OSER1: variants seen among roughly 807,000 people sequenced by gnomAD.
OSER1 encodes the protein oxidative stress responsive serine rich 1.
In OSER1, 15 loss-of-function variants were observed where a neutral mutation model predicts 26.3. The ratio of observed to expected loss-of-function variants is 0.57; its 90% CI spans 0.38 to 0.88. The LOEUF is 0.88. OSER1 is among the 40% of genes least tolerant of loss of function. The probability of loss-of-function intolerance (pLI) is 0.00; values close to 1 mark genes in which losing one functional copy is unlikely to be tolerated. For missense variants in OSER1, 313 were observed against 353.9 expected (o/e 0.88, Z 0.93); for synonymous variants, 127 against 128.2 (o/e 0.99, Z 0.07).
chr20:44,198,669 G>A (rs1402660094), intron 3 of OSER1, among the ~76,000 whole-genome samples: 1 of 151,764 alleles, frequency 6.6e-6, no homozygotes, highest in Admixed American at 6.6e-5. Context: ...ATAAAGAACT[G>A]AATGAAAAGA....
At chr20:44,201,131 T>C (rs1300493205) in intron 3 of OSER1, among the ~76,000 whole-genome samples, 1 of 152,240 alleles carries the variant, frequency 6.6e-6, no homozygotes, top group African/African-American at 2.4e-5. Flanking sequence ...AACCTTGAAT[T>C]TGCTGTGCTC....
At chr20:44,201,697 G>A (rs1263154556) in intron 3 of OSER1, among the ~76,000 whole-genome samples, 1 of 152,150 alleles carries the variant, frequency 6.6e-6, no homozygotes, top group Non-Finnish European at 1.5e-5. Context: ...TAAGGAGAAG[G>A]GCTAAATTAC....
chr20:44,200,381 T>C (rs4372972), intron 3 of OSER1, among the ~76,000 whole-genome samples: 39,927 of 151,950 alleles, frequency 0.26, 7,374 homozygotes, highest in African/African-American at 0.51. Context: ...GAAGACAGAA[T>C]GTGTCCACCA....
intron 2 of OSER1, among the ~76,000 whole-genome samples, chr20:44,203,780 G>A (rs562813385): frequency 9.2e-5 from 14 of 151,402 alleles, no homozygotes; most frequent in South Asian, 6.3e-4. Flanking sequence ...TTTAGAAAGC[G>A]ACATTAATCT....
upstream of OSER1, chr20:44,211,082 G>C (rs796476728): frequency 2.0e-5 from 3 of 152,512 alleles, no homozygotes; most frequent in African/African-American, 7.2e-5. Flanking sequence ...TGTTAGGTGA[G>C]TGAGTAGGCG....
intron 1 of OSER1, among the ~76,000 whole-genome samples, chr20:44,209,158 C>T (rs2073070599): frequency 6.6e-6 from 1 of 152,130 alleles, no homozygotes; most frequent in Admixed American, 6.5e-5. Context: ...CAGGTGATCA[C>T]CCTAGATGTT....
At chr20:44,203,584 C>T (rs931920911) in intron 2 of OSER1, among the ~76,000 whole-genome samples, 4 of 151,934 alleles carry the variant, frequency 2.6e-5, no homozygotes, top group Middle Eastern at 3.4e-3. Flanking sequence ...ATATGGGTTC[C>T]CAGTAAAGAA....
At chr20:44,202,530 T>C (rs2072993919) in intron 3 of OSER1, among the ~76,000 whole-genome samples, 1 of 152,176 alleles carries the variant, frequency 6.6e-6, no homozygotes, top group Non-Finnish European at 1.5e-5. Context: ...ACCTATGCTA[T>C]ATAAATCCAA....
upstream of OSER1, among the ~76,000 whole-genome samples, chr20:44,211,551 G>A (rs1012362589): frequency 5.9e-5 from 9 of 152,276 alleles, 1 homozygote; most frequent in East Asian, 1.9e-4. Flanking sequence ...AGACTCCTTT[G>A]AGAATCTGGT....
chr20:44,206,686 T>C (rs931696521), intron 2 of OSER1, among the ~76,000 whole-genome samples, 195 bp downstream of exon 2: 1 of 152,212 alleles, frequency 6.6e-6, no homozygotes, highest in Non-Finnish European at 1.5e-5. Context: ...CTGCTACTTT[T>C]CAAATTTAAC....
At chr20:44,205,738 A>C (rs1252847808) in intron 2 of OSER1, among the ~76,000 whole-genome samples, 1 of 152,048 alleles carries the variant, frequency 6.6e-6, no homozygotes, top group Non-Finnish European at 1.5e-5. Context: ...CAGGAGATCA[A>C]GACCATCCTG....
At position 44,197,585 on chromosome 20, in the gene OSER1, C is replaced by T. The variant is rs755382758; in HGVS notation, c.346G>A (p.Asp116Asn). 6.2e-7 allele frequency: 1 copy of T among 1,614,212 alleles called. No homozygotes were observed. Among genetic ancestry groups the T allele is most frequent in the South Asian group, 1.1e-5 (1 of 91,082 alleles). Residue 116 changes from aspartate (D) to asparagine (N), a missense_variant, in exon 4 of 4, where the codon GAT (aspartate) becomes AAT (asparagine). Asp to Asn is a conservative substitution (Grantham distance 23, BLOSUM62 1). Transcript: ENST00000255174. Reference protein sequence around the residue: ...LKHKSQTDSPDGSSGLGISSP... With the variant: ...LKHKSQTDSPNGSSGLGISSP... ...GAAATTCCCAGCCCACTGCTGCCAT[C>T]AGGTGAGTCAGTCTGGCTTTTGTGC...
At chr20:44,206,278 T>A (rs983736397) in intron 2 of OSER1, among the ~76,000 whole-genome samples, 1 of 152,198 alleles carries the variant, frequency 6.6e-6, no homozygotes, top group Non-Finnish European at 1.5e-5. Flanking sequence ...AAATGTTGAT[T>A]TATTTTGGCC....
chr20:44,209,503 T>A (rs181874308), intron 1 of OSER1, among the ~76,000 whole-genome samples: 8 of 152,344 alleles, frequency 5.3e-5, no homozygotes, highest in African/African-American at 1.4e-4. Context: ...TTGCCTTTCT[T>A]CATTAATATT....
upstream of OSER1, chr20:44,210,880 T>C (rs1175965303): frequency 6.6e-6 from 1 of 152,028 alleles, no homozygotes; most frequent in East Asian, 1.9e-4. Flanking sequence ...CCCACCCCAG[T>C]GACTCGGCAG....
At chr20:44,208,108 G>GCCCCCCCCCCCCC (rs71959463) in intron 1 of OSER1, among the ~76,000 whole-genome samples, 2 of 97,852 alleles carry the variant, frequency 2.0e-5, no homozygotes, top group African/African-American at 3.7e-5. Context: ...GCCTTTACCC[G>GCCCCCCCCCCCCC]CCCCCCCCCG....
rs2072921892 is a variant in OSER1, at chr20:44,196,641, TG to T, written c.*410del. On this transcript the variant is annotated 3_prime_UTR_variant, in exon 4 of 4. Transcript: ENST00000255174. Reference sequence around the variant, plus strand: ...ATCAGTCTTGTAACTTCTAATATTCTGGGCTGGCAACTACAGCATGACAAAT... The same window carrying T: ...ATCAGTCTTGTAACTTCTAATATTCTGGCTGGCAACTACAGCATGACAAAT... 5.9e-6 allele frequency: 1 copy of T among 169,804 alleles called. No homozygotes were observed. Among genetic ancestry groups the T allele is most frequent in the South Asian group, 1.5e-4 (1 of 6,792 alleles). 10.5% of individuals were successfully genotyped at this position (169,804 alleles called of 1,614,324 possible).
chr20:44,208,189 A>G (rs761062080), intron 1 of OSER1, among the ~76,000 whole-genome samples: 1 of 126,930 alleles, frequency 7.9e-6, no homozygotes, highest in Non-Finnish European at 1.5e-5. Flanking sequence ...TCTCTGATTC[A>G]TATCTGCTCG....
chr20:44,204,869 G>A (rs770469003), intron 2 of OSER1, among the ~76,000 whole-genome samples: 10 of 150,864 alleles, frequency 6.6e-5, no homozygotes, highest in East Asian at 1.9e-4. Context: ...ACAGGGTCTC[G>A]CTCTGTTGCG....
Sources: allele counts gnomAD v4.1 joint callset (sites outside exome capture counted in the v4.1 genomes callset), GRCh38; gene constraint gnomAD v4.1.1; transcripts MANE v1.5; gene names NCBI Gene and HGNC (gene_info 2026-07-23, HGNC 2026-07-21).